CSMD2: variants seen among roughly 807,000 people sequenced by gnomAD.
The protein encoded by CSMD2 is CUB and sushi domain-containing protein 2.
Under a neutral mutation model 398.5 loss-of-function variants are expected in CSMD2, and 130 were observed. The ratio of observed to expected loss-of-function variants is 0.33; its 90% confidence interval spans 0.28 to 0.38. CSMD2 has a LOEUF of 0.38. Among genes scored for constraint, CSMD2 ranks in the 10% least tolerant of loss-of-function variants. The probability of loss-of-function intolerance (pLI) is 1.00; values close to 1 mark genes in which losing one functional copy is unlikely to be tolerated. For synonymous variants in CSMD2, 1,828 were observed against 1,908.5 expected (o/e 0.96, Z 1.10); for missense variants, 3,829 against 4,764.9 (o/e 0.80, Z 5.78).
intron 3 of CSMD2, among the ~76,000 whole-genome samples, chr1:33,938,386 C>CG: frequency 6.6e-6 from 1 of 151,908 alleles, no homozygotes; most frequent in Non-Finnish European, 1.5e-5. Flanking sequence ...TTCCCATGAT[C>CG]CCCTGCTGCT....
intron 44 of CSMD2, chr1:33,600,009 T>C: frequency 3.2e-6 from 2 of 619,128 alleles, no homozygotes; most frequent in Non-Finnish European, 5.9e-6. Flanking sequence ...GGCAAGTACT[T>C]GAGCCTTCCT....
chr1:33,573,334 A>G (rs760485684), intron 49 of CSMD2, among the ~76,000 whole-genome samples: 5 of 152,338 alleles, frequency 3.3e-5, no homozygotes, highest in Non-Finnish European at 5.9e-5. Flanking sequence ...TGTGAAGAAA[A>G]TCAGCAGTGC....
At chr1:33,895,600 C>A (rs1642330405) in intron 5 of CSMD2, among the ~76,000 whole-genome samples, 1 of 152,156 alleles carries the variant, frequency 6.6e-6, no homozygotes, top group South Asian at 2.1e-4. Flanking sequence ...TTGAGGCATT[C>A]ATGCAGAGCT....
chr1:33,788,070 C>T (rs556950078), intron 12 of CSMD2, among the ~76,000 whole-genome samples: 59 of 152,298 alleles, frequency 3.9e-4, no homozygotes, highest in African/African-American at 1.4e-3. Context: ...AGGTGTGCAT[C>T]TGATGCTGGG....
intron 2 of CSMD2, among the ~76,000 whole-genome samples, chr1:34,053,895 G>C (rs1269876592): frequency 6.6e-6 from 1 of 152,170 alleles, no homozygotes; most frequent in Non-Finnish European, 1.5e-5. Context: ...GTACACAGTT[G>C]TCAACTGGGA....
intron 3 of CSMD2, among the ~76,000 whole-genome samples, chr1:33,937,028 G>A (rs1570563107): frequency 6.6e-6 from 1 of 152,186 alleles, no homozygotes; most frequent in African/African-American, 2.4e-5. Flanking sequence ...GGGACCGTGA[G>A]TAAGTCTTTT....
chr1:33,888,854 G>A (rs1641784436), intron 5 of CSMD2, among the ~76,000 whole-genome samples: 2 of 151,920 alleles, frequency 1.3e-5, no homozygotes, highest in Non-Finnish European at 2.9e-5. Context: ...TGCAAGCTCC[G>A]CCTCCCAGGT....
intron 4 of CSMD2, among the ~76,000 whole-genome samples, chr1:33,921,086 A>T (rs1643921726): frequency 6.6e-6 from 1 of 152,172 alleles, no homozygotes; most frequent in Non-Finnish European, 1.5e-5. Context: ...GGAAGGCAAG[A>T]GCTGGACTGC....
In CSMD2 at chr1:34,164,787, G is replaced by C; in HGVS notation, c.187+124C>G. Reference sequence around the variant, plus strand: ...TGAGAATGAGAGTAGGCAACTGGGAGGGTGGGAGATTCAGGCAGGGATAGA... The same window carrying C: ...TGAGAATGAGAGTAGGCAACTGGGACGGTGGGAGATTCAGGCAGGGATAGA... On this transcript the variant is annotated intron_variant, in intron 1 of 70. Coordinates refer to ENST00000373381, the MANE Select transcript of CSMD2 (RefSeq NM_001281956.2). The surrounding 1 kb of genome is among the most constrained non-coding windows in gnomAD (Gnocchi z 6.2). The C allele has an allele frequency of 1.2e-6, 1 of 858,230 alleles. No individual in the cohort carries two copies. The highest frequency in any genetic ancestry group is 3.9e-5 in the East Asian group (1 of 25,818). The allele number at this position is 858,230 out of a possible 1,614,324, so 53.2% of individuals were successfully genotyped here.
At chr1:33,933,357 T>C (rs1332145673) in intron 4 of CSMD2, among the ~76,000 whole-genome samples, 1 of 152,162 alleles carries the variant, frequency 6.6e-6, no homozygotes, top group Non-Finnish European at 1.5e-5. Context: ...CATATTAGCA[T>C]TGGATATTGC....
intron 2 of CSMD2, among the ~76,000 whole-genome samples, chr1:34,049,479 G>A (rs1173157025): frequency 6.6e-6 from 1 of 152,036 alleles, no homozygotes; most frequent in African/African-American, 2.4e-5. Flanking sequence ...TTTCTGCCTG[G>A]ACCCTTAGGA....
chr1:33,586,719 T>C lies in CSMD2; in HGVS notation c.6938-102A>G, dbSNP rs185569058. 844 of 732,920 alleles carry C rather than the reference T, an allele frequency of 1.2e-3. 2 individuals are homozygous for C. In the African/African-American group the frequency reaches 0.013, roughly 12 times the overall value. The allele number at this position is 732,920 out of a possible 1,614,324, so 45.4% of individuals were successfully genotyped here. On this transcript the variant is annotated intron_variant, in intron 45 of 70. Transcript: ENST00000373381. Reference sequence around the variant, plus strand: ...ATAATCAGAGGCGGGTCATGTTCTGTTCAGACTTAAATAACTAGCTCAGCT... The same window carrying C: ...ATAATCAGAGGCGGGTCATGTTCTGCTCAGACTTAAATAACTAGCTCAGCT...
At chr1:33,697,344 A>G (rs543257589) in intron 24 of CSMD2, among the ~76,000 whole-genome samples, 2 of 152,110 alleles carry the variant, frequency 1.3e-5, no homozygotes, top group East Asian at 1.9e-4. Context: ...GAATGAGGGG[A>G]GATATAAAAA....
At position 34,155,266 on chromosome 1, in the gene CSMD2, C is replaced by T. The variant is rs780161882; in HGVS notation, c.187+9645G>A. 6.7e-4 allele frequency among the ~76,000 whole-genome samples: 102 copies of T among 152,190 alleles called. 1 individual carries two copies. The highest frequency in any genetic ancestry group is 1.2e-3 in the Non-Finnish European group (85 of 68,046). On this transcript the variant is annotated intron_variant, in intron 1 of 70. Coordinates refer to ENST00000373381, the MANE Select transcript of CSMD2 (RefSeq NM_001281956.2). ...CAGAAAACGTCAACTGTGCCTTCCA[C>T]GTAACTCAGGAAAACTGTCCCTGTA...
intron 32 of CSMD2, among the ~76,000 whole-genome samples, chr1:33,627,972 GA>G (rs1557645340): frequency 6.6e-6 from 1 of 152,122 alleles, no homozygotes; most frequent in Non-Finnish European, 1.5e-5. Flanking sequence ...CTGGACATAA[GA>G]AAAAATGTTA....
At chr1:33,988,676 A>G (rs1570729548) in intron 3 of CSMD2, among the ~76,000 whole-genome samples, 1 of 152,082 alleles carries the variant, frequency 6.6e-6, no homozygotes. Flanking sequence ...TTAAAACAAC[A>G]CCTGACATGT....
intron 12 of CSMD2, among the ~76,000 whole-genome samples, chr1:33,775,086 G>A (rs551720968): frequency 1.3e-5 from 2 of 152,186 alleles, no homozygotes; most frequent in African/African-American, 2.4e-5. Context: ...GAGAATGGAA[G>A]TACTAACCTC....
intron 3 of CSMD2, among the ~76,000 whole-genome samples, chr1:34,002,115 T>C (rs1646923768): frequency 6.6e-6 from 1 of 152,288 alleles, no homozygotes; most frequent in Middle Eastern, 3.4e-3. Flanking sequence ...CTCACTTTGT[T>C]TTCTTGAAAA....
At chr1:34,043,454 T>C (rs1308216299) in intron 2 of CSMD2, among the ~76,000 whole-genome samples, 2 of 152,224 alleles carry the variant, frequency 1.3e-5, no homozygotes, top group African/African-American at 4.8e-5. Context: ...TTTGTAACAT[T>C]CATCCCAATG....
Sources: gnomAD v4.1 joint callset for allele counts (sites outside exome capture counted in the v4.1 genomes callset) on GRCh38, gnomAD v4.1.1 for gene constraint, Gnocchi (gnomAD v3.1) non-coding constraint, MANE v1.5 for transcripts, NCBI Gene and HGNC (gene_info 2026-07-23, HGNC 2026-07-21) for gene names.